Variants in LAMA5 observed in about 807,000 individuals in gnomAD.
The protein encoded by LAMA5 is laminin subunit alpha 5.
A neutral mutation model predicts 433.4 loss-of-function variants in LAMA5; 260 were observed. That is an observed-to-expected ratio of 0.60 (90% CI 0.54 to 0.66). The LOEUF (loss-of-function observed/expected upper bound fraction) is 0.66, where lower values mean the gene tolerates loss of function less well. Ranked by LOEUF, LAMA5 falls within the 30% of genes least tolerant of loss-of-function variation. The pLI, the probability that LAMA5 is intolerant of heterozygous loss-of-function variation, is 0.00. For missense variants in LAMA5, 5,378 were observed against 5,258.5 expected, an observed-to-expected ratio of 1.02 and a Z score of -0.70; for synonymous variants, 2,620 against 2,226.6, an observed-to-expected ratio of 1.18 and a Z score of -4.97.
rs377046682 is a variant in LAMA5 at position 62,330,911 on chromosome 20, C to T, written c.3684G>A (p.Pro1228=). ...AGTCCCTGAGGATGATGGGCTGGGG[C>T]GGCTTTGGGAAGCGCGAGGGCAGAC... ...AACLPSRFPK[P]PQPIILRDCQ... Residue 1228 remains proline (P), a synonymous_variant, in exon 30 of 80, where the codon CCG becomes CCA. Transcript: ENST00000252999. 136 of 1,548,204 alleles carry T rather than the reference C, an allele frequency of 8.8e-5. No homozygotes were observed. The highest frequency in any genetic ancestry group is 1.5e-4 in the African/African-American group (11 of 73,130).
intron 50 of LAMA5, among the ~76,000 whole-genome samples, chr20:62,320,342 A>AAAAAAC (rs1987544683): frequency 6.6e-6 from 1 of 151,516 alleles, no homozygotes; most frequent in African/African-American, 2.4e-5. Context: ...AAAAAAAAAA[A>AAAAAAC]AGACATTTGA....
intron 70 of LAMA5, 32 bp from the exon 71 acceptor site, chr20:62,311,816 T>TTGGGG: frequency 4.1e-5 from 63 of 1,520,414 alleles, no homozygotes; most frequent in Non-Finnish European, 4.7e-5. Context: ...GCTCGGTTTT[T>TTGGGG]CCCCACCCTG....
intron 2 of LAMA5, 197 bp from the exon 3 acceptor site, chr20:62,353,448 C>T (rs1456380290): frequency 8.0e-6 from 4 of 499,784 alleles, no homozygotes; most frequent in African/African-American, 6.0e-5. Context: ...TGGAGATGAG[C>T]CCCCGGGAAC....
At chr20:62,340,536 C>A (rs1306649740) in intron 11 of LAMA5, among the ~76,000 whole-genome samples, 1 of 151,312 alleles carries the variant, frequency 6.6e-6, no homozygotes, top group Non-Finnish European at 1.5e-5. Flanking sequence ...GTCTCGAACT[C>A]CCGACCTCAG....
At chr20:62,327,747 T>C (rs117403854) in intron 36 of LAMA5, 78 bp from the exon 37 acceptor site, 1 of 1,588,310 alleles carries the variant, frequency 6.3e-7, no homozygotes, top group Non-Finnish European at 8.6e-7. Flanking sequence ...CACCTGCCAA[T>C]GGGGATGACT....
intron 79 of LAMA5, 63 bp from the exon 80 acceptor site, chr20:62,309,538 T>G: frequency 7.0e-7 from 1 of 1,419,146 alleles, no homozygotes; most frequent in African/African-American, 1.5e-5. Context: ...CACAGGCCCT[T>G]CCCAAACGTC....
Position 62,333,489 on chromosome 20 carries a change from G to A in LAMA5, c.3022-8C>T, listed in dbSNP as rs763339153. ...CAGCAGAACCACGTAGTCCTGCAGG[G>A]TGGAGGTGGTGCTGAGAGTGGTGGG... is the stretch of plus-strand genomic sequence containing the variant. On this transcript the variant is annotated splice_region_variant and splice_polypyrimidine_tract_variant and intron_variant, in intron 24 of 79. Transcript: ENST00000252999. 5.0e-6 allele frequency: 8 copies of A among 1,608,646 alleles called. No individual in the cohort carries two copies. The highest frequency in any genetic ancestry group is 6.8e-6 in the Non-Finnish European group (8 of 1,178,236).
intron 79 of LAMA5, 105 bp downstream of exon 79, chr20:62,309,611 G>A: frequency 2.1e-6 from 1 of 484,704 alleles, no homozygotes; most frequent in Non-Finnish European, 3.5e-6. Context: ...GGTGGGAGGA[G>A]GGTGGGAGGG....
In LAMA5 at chr20:62,320,898, C is replaced by A; in HGVS notation, c.6497-8G>T. Reference sequence around the variant, plus strand: ...CCACACAGTGGTCACACACTGCAGGCGATGTGGGGTCACAGGTCAGTGTCA... The same window carrying A: ...CCACACAGTGGTCACACACTGCAGGAGATGTGGGGTCACAGGTCAGTGTCA... On this transcript the variant is annotated splice_region_variant and splice_polypyrimidine_tract_variant and intron_variant, in intron 48 of 79. Coordinates refer to ENST00000252999, the MANE Select transcript of LAMA5 (RefSeq NM_005560.6). The A allele has an allele frequency of 2.5e-6, 4 of 1,601,366 alleles. No individual in the cohort carries two copies. Among genetic ancestry groups the A allele is most frequent in the East Asian group, 2.2e-5 (1 of 44,498 alleles).
In LAMA5 at chr20:62,309,955, G is replaced by A. The variant is rs201208067; in HGVS notation, c.10828+33C>T. On this transcript the variant is annotated intron_variant, in intron 78 of 79. Coordinates refer to ENST00000252999, the MANE Select transcript of LAMA5 (RefSeq NM_005560.6). ...TCCCGCTCTGCAGAAGGGTGGGGGTGGCAGAGTGCCCTGGCCACAGGAGGG... is the reference window on the plus strand; with the variant it reads ...TCCCGCTCTGCAGAAGGGTGGGGGTAGCAGAGTGCCCTGGCCACAGGAGGG... 914 of 1,606,718 alleles carry A rather than the reference G, an allele frequency of 5.7e-4. 4 individuals are homozygous for A. The African/African-American group carries it at 0.011, about 20-fold the overall frequency.
Position 62,346,225 on chromosome 20 carries a change from G to A in LAMA5, c.1283-10C>T, listed in dbSNP as rs1408854848. ...GACTCGCAGTTGCAGCCTGGGCAGGGGCAGGAGCCGGGTAAGCCTGGAGCT... is the reference window on the plus strand; with the variant it reads ...GACTCGCAGTTGCAGCCTGGGCAGGAGCAGGAGCCGGGTAAGCCTGGAGCT... On this transcript the variant is annotated splice_polypyrimidine_tract_variant and intron_variant, in intron 9 of 79. Coordinates refer to ENST00000252999, the MANE Select transcript of LAMA5 (RefSeq NM_005560.6). 3.1e-6 allele frequency: 5 copies of A among 1,608,780 alleles called. No individual in the cohort carries two copies. In the South Asian group the frequency reaches 5.5e-5, roughly 18 times the overall value.
intron 2 of LAMA5, among the ~76,000 whole-genome samples, chr20:62,355,027 C>G (rs79033839): frequency 0.011 from 1,694 of 152,348 alleles, 28 homozygotes; most frequent in African/African-American, 0.039. Flanking sequence ...CGGCCCACAC[C>G]TCCCCTGACG....
At chr20:62,360,932 C>A (rs1986060641) in intron 2 of LAMA5, among the ~76,000 whole-genome samples, 1 of 152,150 alleles carries the variant, frequency 6.6e-6, no homozygotes, top group Non-Finnish European at 1.5e-5. Flanking sequence ...TCAGTCCCGG[C>A]TTCCCTGCCC....
chr20:62,342,513 C>G (rs547737442), intron 11 of LAMA5, among the ~76,000 whole-genome samples: 1 of 151,616 alleles, frequency 6.6e-6, no homozygotes, highest in Non-Finnish European at 1.5e-5. Context: ...CCCATCTCTA[C>G]TAAAAGTACA....
At position 62,333,417 on chromosome 20, in the gene LAMA5, T is replaced by TC; in HGVS notation, c.3085dup (p.Glu1029GlyfsTer66). 6.2e-7 allele frequency: 1 copy of TC among 1,612,708 alleles called. No individual in the cohort carries two copies. Among genetic ancestry groups the TC allele is most frequent in the Non-Finnish European group, 8.5e-7 (1 of 1,179,878 alleles). Reference sequence around the variant, plus strand: ...GGCAGAGGGACGGTATGTGCAGGCCTCAGTCACCCGCAGCTGCAGGAGCGC... The same window carrying TC: ...GGCAGAGGGACGGTATGTGCAGGCCTCCAGTCACCCGCAGCTGCAGGAGCGC... On this transcript the variant is annotated frameshift_variant, in exon 25 of 80. Coordinates refer to ENST00000252999, the MANE Select transcript of LAMA5 (RefSeq NM_005560.6). LOFTEE classifies it high-confidence loss of function.
chr20:62,324,276 C>CA lies in LAMA5; in HGVS notation c.5644-73dup. The CA allele has an allele frequency of 1.3e-6, 2 of 1,547,450 alleles. No homozygotes were observed. Among genetic ancestry groups the CA allele is most frequent in the Admixed American group, 4.0e-5 (2 of 49,436 alleles). ...ACTGCCGAGTCTGTGCAGCTCCCAC[C>CA]ACCCCTGCCTCAGACTCTGTGCCCA... On this transcript the variant is annotated intron_variant, in intron 42 of 79. Transcript: ENST00000252999. This position sits in a 1 kb window ranked among gnomAD's most constrained non-coding sequence, Gnocchi z 4.4.
chr20:62,330,997 G>T (rs1378940249), intron 29 of LAMA5, 35 bp downstream of exon 29: 1 of 1,575,926 alleles, frequency 6.3e-7, no homozygotes, highest in Non-Finnish European at 8.6e-7. Context: ...CGGGCCCTCG[G>T]CCGCGCCCCT....
chr20:62,309,603 T>TGGGGGGGAGGGGGCCTG, intron 79 of LAMA5, 113 bp downstream of exon 79: 1 of 275,412 alleles, frequency 3.6e-6, no homozygotes, highest in African/African-American at 9.8e-5. Flanking sequence ...GGTAGGGGGG[T>TGGGGGGGAGGGGGCCTG]GGGAGGAGGG....
intron 3 of LAMA5, among the ~76,000 whole-genome samples, chr20:62,352,706 G>A (rs1984547012): frequency 6.6e-6 from 1 of 152,216 alleles, no homozygotes; most frequent in South Asian, 2.1e-4. Context: ...GCCCTATTGG[G>A]GAGGAGCACC....
Sources: allele counts gnomAD v4.1 joint callset (sites outside exome capture counted in the v4.1 genomes callset), GRCh38; gene constraint gnomAD v4.1.1; non-coding constraint Gnocchi (gnomAD v3.1); transcripts MANE v1.5; gene names NCBI Gene and HGNC (gene_info 2026-07-23, HGNC 2026-07-21).